GPR161: variants seen among roughly 807,000 people sequenced by gnomAD.
The protein encoded by GPR161 is G protein-coupled receptor 161.
A neutral mutation model predicts 39.2 loss-of-function variants in GPR161; 25 were observed. The ratio of observed to expected loss-of-function variants is 0.64; its 90% CI spans 0.47 to 0.89. The LOEUF (loss-of-function observed/expected upper bound fraction) is 0.89. GPR161 is among the 40% of genes least tolerant of loss of function. GPR161 has a pLI of 0.00. For synonymous variants in GPR161, 286 were observed against 276.6 expected (o/e 1.03, Z -0.34); for missense variants, 547 against 677.8 (o/e 0.81, Z 2.14).
In GPR161 at chr1:168,121,787, G is replaced by A. The variant is rs78118098; in HGVS notation, c.-45+14952C>T. Among the ~76,000 whole-genome samples the A allele has an allele frequency of 8.3e-3, 1,265 of 152,300 alleles. 19 individuals carry two copies. The highest frequency in any genetic ancestry group is 0.029 in the African/African-American group (1,218 of 41,564). On this transcript the variant is annotated intron_variant, in intron 1 of 5. Transcript: ENST00000682931. ...CGCCGGCTGCCCCAGCCTCAACCAC[G>A]TCATTCCCTCCGTGGGAGAGGGCAG...
intron 1 of GPR161, among the ~76,000 whole-genome samples, chr1:168,112,479 C>CAA (rs57030886): frequency 1.3e-3 from 82 of 63,054 alleles, no homozygotes; most frequent in Non-Finnish European, 1.6e-3. Flanking sequence ...GACTCCGTCT[C>CAA]AAAAAAAAAA....
At chr1:168,104,196 C>T (rs941321516) in intron 2 of GPR161, among the ~76,000 whole-genome samples, 10 of 152,188 alleles carry the variant, frequency 6.6e-5, no homozygotes, top group African/African-American at 1.7e-4. Context: ...GCCTTGGCTT[C>T]GGCTTCTTCA....
intron 3 of GPR161, among the ~76,000 whole-genome samples, chr1:168,094,440 T>TA (rs1010547677): frequency 2.0e-4 from 31 of 152,206 alleles, no homozygotes; most frequent in African/African-American, 6.8e-4. Flanking sequence ...AATACTGAGA[T>TA]ACAGAGAAAT....
At chr1:168,099,190 G>A (rs1234139046) in intron 2 of GPR161, among the ~76,000 whole-genome samples, 1 of 152,190 alleles carries the variant, frequency 6.6e-6, no homozygotes, top group Non-Finnish European at 1.5e-5. Flanking sequence ...GGGCGAACAA[G>A]CCCCATGGTG....
chr1:168,107,827 T>C (rs913196950), intron 1 of GPR161, among the ~76,000 whole-genome samples: 3 of 152,128 alleles, frequency 2.0e-5, no homozygotes, highest in Admixed American at 1.3e-4. Flanking sequence ...ATTCCAAAGG[T>C]TGGCAGCACT....
At chr1:168,137,406 C>T (rs114515878), upstream of GPR161, 4 of 1,535,398 alleles carry the variant, frequency 2.6e-6, no homozygotes, top group South Asian at 3.6e-5. Context: ...TTCATCCAGC[C>T]GACGGGCACG....
intron 1 of GPR161, among the ~76,000 whole-genome samples, chr1:168,120,450 T>TAAGGC (rs1263862034): frequency 6.6e-6 from 1 of 152,228 alleles, no homozygotes; most frequent in Non-Finnish European, 1.5e-5. Context: ...AGAAGGGACT[T>TAAGGC]GCCTTGTCTT....
Position 168,085,484 on chromosome 1 carries a change from C to A in GPR161, c.*47G>T. 1 of 1,569,972 alleles carries A rather than the reference C, an allele frequency of 6.4e-7. No homozygotes were observed. Among genetic ancestry groups the A allele is most frequent in the Non-Finnish European group, 8.7e-7 (1 of 1,151,874 alleles). On this transcript the variant is annotated 3_prime_UTR_variant, in exon 6 of 6. Coordinates refer to ENST00000682931, the MANE Select transcript of GPR161 (RefSeq NM_001375883.1). ...GGCACAGGCGGTGATGGGAACTCCTCCCCGGGCCAGCCTCTCAGGCTGCAG... is the reference window on the plus strand; with the variant it reads ...GGCACAGGCGGTGATGGGAACTCCTACCCGGGCCAGCCTCTCAGGCTGCAG...
At position 168,081,068 on chromosome 1, in the gene GPR161, T is replaced by C. The variant is rs942069486; in HGVS notation, c.*4463A>G. 1 of 152,150 alleles carries C rather than the reference T, an allele frequency of 6.6e-6. No individual in the cohort carries two copies. The highest frequency in any genetic ancestry group is 2.4e-5 in the African/African-American group (1 of 41,406). The allele number at this position is 152,150 out of a possible 1,614,324, so 9.4% of individuals were successfully genotyped here. A position where few individuals can be genotyped will look rare whatever the true frequency, so the allele number is the denominator to read the frequency against. ...TAGTAGAGACGGGGTTTCTCCATAT[T>C]GGTCAGGCTGGTCTCGAACTCCTGA... On this transcript the variant is annotated 3_prime_UTR_variant, in exon 6 of 6. Transcript: ENST00000682931.
chr1:168,087,328 C>CGTGGGTGT (rs1553258162), intron 5 of GPR161, among the ~76,000 whole-genome samples: 3 of 146,512 alleles, frequency 2.0e-5, no homozygotes, highest in African/African-American at 8.3e-5. Context: ...TGTGTAAACA[C>CGTGGGTGT]GTGTGGGTGT....
At chr1:168,136,353 G>A in intron 1 of GPR161, 6 of 1,472,762 alleles carry the variant, frequency 4.1e-6, no homozygotes, top group East Asian at 5.7e-5. Flanking sequence ...AGGGGGCGCG[G>A]CCCGCATCGG....
At chr1:168,085,862 G>A in intron 5 of GPR161, 66 bp from the exon 6 acceptor site, 2 of 1,394,166 alleles carry the variant, frequency 1.4e-6, no homozygotes, top group Admixed American at 2.1e-5. Flanking sequence ...TTGGGGACAA[G>A]CCTGCTGCTG....
At position 168,085,741 on chromosome 1, in the gene GPR161, G is replaced by A. The variant is rs1694429988; in HGVS notation, c.1380C>T (p.Asp460=). 6.2e-7 allele frequency: 1 copy of A among 1,614,022 alleles called. No individual in the cohort carries two copies. The highest frequency in any genetic ancestry group is 1.3e-5 in the African/African-American group (1 of 74,938). Residue 460 remains aspartate, a synonymous_variant, in exon 6 of 6, where the codon GAC becomes GAT. Coordinates refer to ENST00000682931, the MANE Select transcript of GPR161 (RefSeq NM_001375883.1). ...CTTTGGCCAAGCTTGCTGCGTAACT[G>A]TCCAAGGACTTGTGTACTTCAGCTT... The part of the protein sequence containing the change: ...HVKAEVHKSL[D]SYAASLAKAI...
chr1:168,133,607 A>G (rs1699157031), intron 1 of GPR161, among the ~76,000 whole-genome samples: 1 of 152,222 alleles, frequency 6.6e-6, no homozygotes, highest in Non-Finnish European at 1.5e-5. Flanking sequence ...ACCACAGAGC[A>G]TTATTATATG....
chr1:168,117,027 C>T (rs1364365089), intron 1 of GPR161, among the ~76,000 whole-genome samples: 1 of 152,164 alleles, frequency 6.6e-6, no homozygotes, highest in African/African-American at 2.4e-5. Context: ...ACTTGAGCAC[C>T]TCATTGCCCT....
intron 5 of GPR161, among the ~76,000 whole-genome samples, chr1:168,087,122 G>A (rs1024680188): frequency 1.3e-5 from 2 of 152,138 alleles, no homozygotes. Context: ...ATTGGGCTGC[G>A]GCAGAACTCA....
At chr1:168,132,138 G>A (rs948229562) in intron 1 of GPR161, among the ~76,000 whole-genome samples, 8 of 152,236 alleles carry the variant, frequency 5.3e-5, no homozygotes, top group Non-Finnish European at 1.0e-4. Context: ...GGTGGCGCAC[G>A]CCTGTAACCC....
chr1:168,122,620 T>C (rs1698271617), intron 1 of GPR161, among the ~76,000 whole-genome samples: 1 of 152,206 alleles, frequency 6.6e-6, no homozygotes, highest in South Asian at 2.1e-4. Context: ...CCTTTGATTC[T>C]TTCTACTCCA....
In GPR161 at chr1:168,095,309, C is replaced by T. The variant is rs376558760; in HGVS notation, c.1099+1199G>A. 8.5e-5 allele frequency among the ~76,000 whole-genome samples: 13 copies of T among 152,276 alleles called. No individual in the cohort carries two copies. The South Asian group carries it at 1.0e-3, about 12-fold the overall frequency. On this transcript the variant is annotated intron_variant, in intron 3 of 5. Transcript: ENST00000682931. ...ACAAACAAAGGACATTAATGAAAAA[C>T]GGGTGAGATCTGAATCAAGTTGTAG...
Sources: allele counts gnomAD v4.1 joint callset (sites outside exome capture counted in the v4.1 genomes callset), GRCh38; gene constraint gnomAD v4.1.1; transcripts MANE v1.5; gene names NCBI Gene and HGNC (gene_info 2026-07-23, HGNC 2026-07-21).